The following ZFYVE28 variants were observed in gnomAD, a reference collection of about 807,000 sequenced individuals.
ZFYVE28 encodes lateral signaling target protein 2 homolog.
In ZFYVE28, 40 loss-of-function variants were observed where a neutral mutation model predicts 82.1. That is an observed-to-expected ratio of 0.49 (90% CI 0.38 to 0.63). The LOEUF (loss-of-function observed/expected upper bound fraction) is 0.63, where lower values mean the gene tolerates loss of function less well. ZFYVE28 is among the 30% of genes least tolerant of loss of function. ZFYVE28 has a pLI of 0.00. For synonymous variants in ZFYVE28, 612 were observed against 546.1 expected, an observed-to-expected ratio of 1.12 and a Z score of -1.68; for missense variants, 1,321 against 1,242.1, an observed-to-expected ratio of 1.06 and a Z score of -0.96.
rs1046511897 is a variant in ZFYVE28 at position 2,372,264 on chromosome 4, G to A, written c.40-18191C>T. 5.3e-5 allele frequency among the ~76,000 whole-genome samples: 8 copies of A among 152,126 alleles called. No homozygotes were observed. Among genetic ancestry groups the A allele is most frequent in the Admixed American group, 3.9e-4 (6 of 15,276 alleles). On this transcript the variant is annotated intron_variant, in intron 1 of 12. Transcript: ENST00000290974. The surrounding 1 kb of genome is among the most constrained non-coding windows in gnomAD (Gnocchi z 5.2). ...GTGGCGGGGCTGAGTCTGGTTCCGAGAAGGACTCGTGAGGGGGTAGGAATG... is the reference window on the plus strand; with the variant it reads ...GTGGCGGGGCTGAGTCTGGTTCCGAAAAGGACTCGTGAGGGGGTAGGAATG...
At chr4:2,316,087 C>T (rs1718169211) in intron 7 of ZFYVE28, 1 of 152,198 alleles carries the variant, frequency 6.6e-6, no homozygotes, top group African/African-American at 2.4e-5. Context: ...GCTATTAAAC[C>T]CATCTACTGC....
At chr4:2,402,532 A>G (rs997549209) in intron 1 of ZFYVE28, among the ~76,000 whole-genome samples, 1 of 152,200 alleles carries the variant, frequency 6.6e-6, no homozygotes, top group East Asian at 1.9e-4. Context: ...TGAGGAAGAC[A>G]GCGCCAGCAT....
chr4:2,327,642 T>C (rs1177599013), intron 6 of ZFYVE28, among the ~76,000 whole-genome samples: 3 of 152,202 alleles, frequency 2.0e-5, no homozygotes, highest in Non-Finnish European at 4.4e-5. Flanking sequence ...GAGTTTTTCA[T>C]CATAAAATGA....
At chr4:2,321,294 G>A (rs565357725) in intron 6 of ZFYVE28, among the ~76,000 whole-genome samples, 8 of 152,272 alleles carry the variant, frequency 5.3e-5, no homozygotes, top group Admixed American at 5.2e-4. Context: ...GTCCCTGGGA[G>A]CACAGGGACA....
chr4:2,363,517 G>T (rs1457897388), intron 1 of ZFYVE28, among the ~76,000 whole-genome samples: 1 of 152,182 alleles, frequency 6.6e-6, no homozygotes, highest in Non-Finnish European at 1.5e-5. Flanking sequence ...TGCTTGCAGG[G>T]CCCTTTAGCC....
rs763613278 is a variant in ZFYVE28 at position 2,305,253 on chromosome 4, G to A, written c.1087C>T (p.Pro363Ser). ...GDEMSSLLSP[P>S]IACQSPAHRP... ...TGAGCTGGGGACTGGCAGGCAATGG[G>A]CGGTGAAAGCAAAGAGGACATCTCG... Residue 363 changes from proline (P) to serine (S), a missense_variant, in exon 8 of 13, where the codon CCC (proline) becomes TCC (serine). Coordinates refer to ENST00000290974, the MANE Select transcript of ZFYVE28 (RefSeq NM_020972.3). The A allele has an allele frequency of 1.2e-6, 2 of 1,612,636 alleles. No homozygotes were observed. The highest frequency in any genetic ancestry group is 1.7e-5 in the Admixed American group (1 of 60,006).
At chr4:2,354,397 G>T (rs73799854) in intron 1 of ZFYVE28, among the ~76,000 whole-genome samples, 1 of 151,900 alleles carries the variant, frequency 6.6e-6, no homozygotes, top group Non-Finnish European at 1.5e-5. Context: ...CAGAAAAGGG[G>T]CTCTGGGAAG....
chr4:2,299,637 A>AGGGG (rs1577965534), intron 8 of ZFYVE28, among the ~76,000 whole-genome samples: 2 of 127,688 alleles, frequency 1.6e-5, no homozygotes, highest in Non-Finnish European at 1.7e-5. Flanking sequence ...AAGGGAAGGG[A>AGGGG]AGGGAGGGGA....
At chr4:2,385,271 G>C (rs533128943) in intron 1 of ZFYVE28, among the ~76,000 whole-genome samples, 7 of 152,310 alleles carry the variant, frequency 4.6e-5, no homozygotes, top group African/African-American at 1.4e-4. Flanking sequence ...GGCTACTTAC[G>C]GTAAGGGAGT....
intron 5 of ZFYVE28, among the ~76,000 whole-genome samples, chr4:2,336,775 G>GAGGAGGTGAGGAGTGAGGAGA (rs1721792074): frequency 2.3e-5 from 3 of 128,814 alleles, no homozygotes; most frequent in East Asian, 6.9e-4. Flanking sequence ...GAGTGAGGAG[G>GAGGAGGTGAGGAGTGAGGAGA]TGAGGAGGTG....
chr4:2,368,149 G>A (rs1373648965), intron 1 of ZFYVE28, among the ~76,000 whole-genome samples: 1 of 145,860 alleles, frequency 6.9e-6, no homozygotes, highest in Non-Finnish European at 1.5e-5. Flanking sequence ...AGGCTGAGGT[G>A]GGAGGAGCAC....
intron 6 of ZFYVE28, among the ~76,000 whole-genome samples, chr4:2,329,679 T>C (rs1720378533): frequency 6.6e-6 from 1 of 152,244 alleles, no homozygotes; most frequent in Admixed American, 6.5e-5. Context: ...GTTTTACCTA[T>C]CAATGTTAAG....
chr4:2,369,840 T>TTTA (rs113930477), intron 1 of ZFYVE28, among the ~76,000 whole-genome samples: 76 of 38,372 alleles, frequency 2.0e-3, no homozygotes, highest in East Asian at 2.8e-3. Flanking sequence ...GGGATTTTTT[T>TTTA]TTTTCTTTTC....
rs1722839310 is a variant in ZFYVE28, at chr4:2,341,713, T to C, written c.181-98A>G. On this transcript the variant is annotated intron_variant, in intron 2 of 12. Coordinates refer to ENST00000290974, the MANE Select transcript of ZFYVE28 (RefSeq NM_020972.3). The surrounding 1 kb of genome is among the most constrained non-coding windows in gnomAD (Gnocchi z 4.5). Reference sequence around the variant, plus strand: ...CACGCACGGTGCATGTGACTGTTTTTTAGGATTATTAAAGTGATAGAGGAG... The same window carrying C: ...CACGCACGGTGCATGTGACTGTTTTCTAGGATTATTAAAGTGATAGAGGAG... 1.3e-6 allele frequency: 2 copies of C among 1,504,076 alleles called. No individual in the cohort carries two copies. The highest frequency in any genetic ancestry group is 1.4e-5 in the African/African-American group (1 of 72,444). The allele number at this position is 1,504,076 out of a possible 1,614,324, so 93.2% of individuals were successfully genotyped here. A position where few individuals can be genotyped will look rare whatever the true frequency, so the allele number is the denominator to read the frequency against.
At chr4:2,383,898 T>G (rs1486462881) in intron 1 of ZFYVE28, among the ~76,000 whole-genome samples, 1 of 152,196 alleles carries the variant, frequency 6.6e-6, no homozygotes, top group Non-Finnish European at 1.5e-5. Context: ...GGAGCCATTC[T>G]TTCACAAGAC....
At chr4:2,334,458 G>A (rs1315309942) in intron 6 of ZFYVE28, among the ~76,000 whole-genome samples, 3 of 151,826 alleles carry the variant, frequency 2.0e-5, no homozygotes, top group East Asian at 3.9e-4. Context: ...ACCGCCCCGC[G>A]TGCTCCCACC....
chr4:2,373,762 A>C (rs1377420033), intron 1 of ZFYVE28, among the ~76,000 whole-genome samples: 5 of 152,160 alleles, frequency 3.3e-5, no homozygotes, highest in Non-Finnish European at 7.3e-5. Context: ...CTCATTCTAA[A>C]AGCTAGAGAT....
chr4:2,305,249 A>G lies in ZFYVE28; in HGVS notation c.1091T>C (p.Ile364Thr), dbSNP rs760349656. ...DEMSSLLSPP[I>T]ACQSPAHRPG... Reference sequence around the variant, plus strand: ...CCTGTGAGCTGGGGACTGGCAGGCAATGGGCGGTGAAAGCAAAGAGGACAT... The same window carrying G: ...CCTGTGAGCTGGGGACTGGCAGGCAGTGGGCGGTGAAAGCAAAGAGGACAT... Residue 364 changes from isoleucine (I) to threonine (T), a missense_variant, in exon 8 of 13, where the codon ATT (isoleucine) becomes ACT (threonine). By Grantham distance (89) the Ile-to-Thr change is moderately conservative. Around this residue, in one of 2 missense-constraint regions of ZFYVE28, gnomAD observed 978 missense variants for 833.7 expected, o/e 1.17. Transcript: ENST00000290974. 24 of 1,612,312 alleles carry G rather than the reference A, an allele frequency of 1.5e-5. No homozygotes were observed. The highest frequency in any genetic ancestry group is 2.0e-5 in the Non-Finnish European group (24 of 1,179,636).
At chr4:2,363,187 T>C (rs1259096580) in intron 1 of ZFYVE28, among the ~76,000 whole-genome samples, 1 of 152,076 alleles carries the variant, frequency 6.6e-6, no homozygotes, top group East Asian at 1.9e-4. Flanking sequence ...GAGTGGCATA[T>C]ATGTCACCCA....
Sources: allele counts gnomAD v4.1 joint callset (sites outside exome capture counted in the v4.1 genomes callset), GRCh38; gene constraint gnomAD v4.1.1; regional missense constraint gnomAD v4.1.1; non-coding constraint Gnocchi (gnomAD v3.1); transcripts MANE v1.5; gene names NCBI Gene and HGNC (gene_info 2026-07-23, HGNC 2026-07-21).